Variants in ANKRD44 observed in about 807,000 individuals in gnomAD.
ANKRD44 encodes serine/threonine-protein phosphatase 6 regulatory ankyrin repeat subunit B.
In ANKRD44, 35 loss-of-function variants were observed where a neutral mutation model predicts 116.0. The ratio of observed to expected loss-of-function variants is 0.30; its 90% CI spans 0.23 to 0.40. The LOEUF (loss-of-function observed/expected upper bound fraction) is 0.40, where lower values mean the gene tolerates loss of function less well. ANKRD44 is among the 10% of genes least tolerant of loss of function. ANKRD44 has a pLI of 1.00. For synonymous variants in ANKRD44, 435 were observed against 461.8 expected, an observed-to-expected ratio of 0.94 and a Z score of 0.74; for missense variants, 1,014 against 1,242.6, an observed-to-expected ratio of 0.82 and a Z score of 2.77.
intron 15 of ANKRD44, 129 bp downstream of exon 15, chr2:197,081,516 C>A: frequency 1.3e-6 from 1 of 756,682 alleles, no homozygotes; most frequent in Non-Finnish European, 2.3e-6. Flanking sequence ...CCATTAAAGG[C>A]AAGCCCATAT....
intron 16 of ANKRD44, among the ~76,000 whole-genome samples, chr2:197,056,855 T>C (rs2077213154): frequency 6.6e-6 from 1 of 152,198 alleles, no homozygotes. Flanking sequence ...ATATGCATAT[T>C]AAATTAACCT....
intron 2 of ANKRD44, among the ~76,000 whole-genome samples, chr2:197,174,372 T>C (rs190098556): frequency 2.0e-5 from 3 of 152,298 alleles, no homozygotes; most frequent in East Asian, 1.9e-4. Context: ...AGGAATATCA[T>C]AGGAATATGA....
chr2:197,290,019 C>T (rs765638862), intron 1 of ANKRD44, among the ~76,000 whole-genome samples: 10 of 152,004 alleles, frequency 6.6e-5, no homozygotes, highest in Non-Finnish European at 1.0e-4. Flanking sequence ...CGCCACCACG[C>T]CTGGCTAATA....
chr2:196,974,674 G>A (rs1373902451), intron 21 of ANKRD44, among the ~76,000 whole-genome samples: 1 of 152,116 alleles, frequency 6.6e-6, no homozygotes, highest in East Asian at 1.9e-4. Context: ...CAGATCACCT[G>A]AGGTCAGGAG....
chr2:197,228,718 G>A (rs552464475), intron 1 of ANKRD44, among the ~76,000 whole-genome samples: 2 of 152,328 alleles, frequency 1.3e-5, no homozygotes, highest in East Asian at 1.9e-4. Context: ...GCAAAGGAAA[G>A]AAACAAAGGA....
intron 2 of ANKRD44, among the ~76,000 whole-genome samples, chr2:197,150,684 G>A (rs2079622778): frequency 6.6e-6 from 1 of 152,172 alleles, no homozygotes; most frequent in African/African-American, 2.4e-5. Context: ...TAAATGAACT[G>A]AGAAGAAATT....
chr2:197,135,313 G>A (rs2079190795), intron 4 of ANKRD44: 1 of 152,134 alleles, frequency 6.6e-6, no homozygotes, highest in African/African-American at 2.4e-5. Flanking sequence ...GCTGCATTTG[G>A]TAAATTCAGC....
intron 21 of ANKRD44, among the ~76,000 whole-genome samples, chr2:196,976,170 C>T (rs527357690): frequency 6.6e-6 from 1 of 152,238 alleles, no homozygotes; most frequent in East Asian, 1.9e-4. Context: ...CTCGCTCTGT[C>T]GCCCAGGTTG....
In ANKRD44 at chr2:197,007,884, G is replaced by A. The variant is rs771090902; in HGVS notation, c.2052C>T (p.Asp684=). The stretch of plus-strand genomic sequence containing the variant: ...CCTTTTCAAGTAACAATGAAACAGC[G>A]TCAATATGTCCATATGCTACTGCAA... ...LMLAVAYGHI[D]AVSLLLEKEA... The change falls in exon 20 of 28, where the codon GAC becomes GAT. Residue 684 remains aspartate (D), a synonymous_variant. Transcript: ENST00000282272. 1.6e-5 allele frequency: 26 copies of A among 1,613,852 alleles called. No individual in the cohort carries two copies. The highest frequency in any genetic ancestry group is 2.2e-5 in the East Asian group (1 of 44,872).
At chr2:197,259,414 T>C (rs1416974641) in intron 1 of ANKRD44, among the ~76,000 whole-genome samples, 1 of 152,202 alleles carries the variant, frequency 6.6e-6, no homozygotes, top group Non-Finnish European at 1.5e-5. Context: ...TTGGAAGATA[T>C]GGGAGTTAAA....
chr2:197,071,447 T>C (rs2077557231), intron 16 of ANKRD44, among the ~76,000 whole-genome samples: 1 of 151,692 alleles, frequency 6.6e-6, no homozygotes, highest in Non-Finnish European at 1.5e-5. Flanking sequence ...GCTTTCCTTT[T>C]AACTCATGAA....
chr2:197,228,446 A>G (rs980700595), intron 1 of ANKRD44, among the ~76,000 whole-genome samples: 8 of 152,178 alleles, frequency 5.3e-5, no homozygotes, highest in Admixed American at 2.0e-4. Context: ...TCGCTTTCTC[A>G]CCAAGAGATT....
intron 4 of ANKRD44, among the ~76,000 whole-genome samples, chr2:197,127,604 G>C (rs1303478061): frequency 6.6e-6 from 1 of 152,098 alleles, no homozygotes; most frequent in African/African-American, 2.4e-5. Context: ...ACTAATGTGG[G>C]GGAAGGGAAG....
Position 197,132,372 on chromosome 2 carries a change from A to G in ANKRD44, c.261+4220T>C, listed in dbSNP as rs554988983. On this transcript the variant is annotated intron_variant, in intron 4 of 27. Coordinates refer to ENST00000282272, the MANE Select transcript of ANKRD44 (RefSeq NM_001195144.2). ...AAGAGGTGTGATTATGTCTTGATCT[A>G]CTTTCTTGTCTATGGAGGACATAAT... 5.9e-5 allele frequency among the ~76,000 whole-genome samples: 9 copies of G among 152,336 alleles called. No individual in the cohort carries two copies. The East Asian group carries it at 1.7e-3, about 29-fold the overall frequency.
chr2:197,188,780 T>C (rs545228601), intron 1 of ANKRD44, among the ~76,000 whole-genome samples: 1 of 152,270 alleles, frequency 6.6e-6, no homozygotes, highest in South Asian at 2.1e-4. Flanking sequence ...ATTCTAGAAA[T>C]ATCTTAGTCC....
intron 1 of ANKRD44, among the ~76,000 whole-genome samples, chr2:197,292,654 A>C (rs2083607112): frequency 6.6e-6 from 1 of 152,216 alleles, no homozygotes. Context: ...GCGTATAAAA[A>C]TCTTTTGGTG....
At position 196,987,280 on chromosome 2, in the gene ANKRD44, G is replaced by A. The variant is rs973672450; in HGVS notation, c.*2311C>T. 7 of 984,894 alleles carry A rather than the reference G, an allele frequency of 7.1e-6. No homozygotes were observed. The highest frequency in any genetic ancestry group is 8.4e-6 in the Non-Finnish European group (7 of 829,628). 61.0% of individuals were successfully genotyped at this position (984,894 alleles called of 1,614,324 possible). A position where few individuals can be genotyped will look rare whatever the true frequency, so the allele number is the denominator to read the frequency against. ...CATATTCATTTCAATGCAAGTACAA[G>A]GGGAAATAGGAAAAAAGACACTTTA... On this transcript the variant is annotated 3_prime_UTR_variant, in exon 28 of 28. Coordinates refer to ENST00000282272, the MANE Select transcript of ANKRD44 (RefSeq NM_001195144.2).
intron 2 of ANKRD44, among the ~76,000 whole-genome samples, chr2:197,158,799 T>C (rs1015900221): frequency 6.6e-6 from 1 of 152,074 alleles, no homozygotes; most frequent in Non-Finnish European, 1.5e-5. Context: ...GACAAAAACA[T>C]TTACTGGGGA....
chr2:197,262,326 G>A (rs1382034069), intron 1 of ANKRD44, among the ~76,000 whole-genome samples: 1 of 152,166 alleles, frequency 6.6e-6, no homozygotes, highest in Non-Finnish European at 1.5e-5. Context: ...CCCCACAGAG[G>A]TGGGGAAGTT....
Sources: gnomAD v4.1 joint callset for allele counts (sites outside exome capture counted in the v4.1 genomes callset) on GRCh38, gnomAD v4.1.1 for gene constraint, MANE v1.5 for transcripts, NCBI Gene and HGNC (gene_info 2026-07-23, HGNC 2026-07-21) for gene names.